JPH1: variants seen among roughly 807,000 people sequenced by gnomAD.
The protein encoded by JPH1 is junctophilin-1.
Under a neutral mutation model 53.6 loss-of-function variants are expected in JPH1, and 12 were observed. The ratio of observed to expected loss-of-function variants is 0.22; its 90% CI spans 0.14 to 0.36. The LOEUF (loss-of-function observed/expected upper bound fraction) is 0.36, where lower values mean the gene tolerates loss of function less well. Ranked by LOEUF, JPH1 falls within the 10% of genes least tolerant of loss-of-function variation. JPH1 has a pLI of 1.00. For synonymous variants in JPH1, 375 were observed against 363.8 expected, an observed-to-expected ratio of 1.03 and a Z score of -0.35; for missense variants, 808 against 905.5, an observed-to-expected ratio of 0.89 and a Z score of 1.38.
Position 74,246,258 on chromosome 8 carries a change from C to T in JPH1, c.1259-1083G>A, listed in dbSNP as rs1805858082. Among the ~76,000 whole-genome samples the T allele has an allele frequency of 2.0e-5, 3 of 152,172 alleles. No homozygotes were observed. The South Asian group carries it at 6.2e-4, about 32-fold the overall frequency. On this transcript the variant is annotated intron_variant, in intron 3 of 5. Transcript: ENST00000342232. Reference sequence around the variant, plus strand: ...ACATGGAAGACACTGCCCCCACCGACATGCTTATAGAGAGTTGACAGGCTC... The same window carrying T: ...ACATGGAAGACACTGCCCCCACCGATATGCTTATAGAGAGTTGACAGGCTC...
At chr8:74,297,334 A>G (rs887983255) in intron 2 of JPH1, among the ~76,000 whole-genome samples, 1 of 152,228 alleles carries the variant, frequency 6.6e-6, no homozygotes, top group Non-Finnish European at 1.5e-5. Context: ...TAGATTCTCT[A>G]TTACAAACCA....
chr8:74,261,048 C>T (rs1806381420), intron 2 of JPH1, among the ~76,000 whole-genome samples: 1 of 152,008 alleles, frequency 6.6e-6, no homozygotes, highest in African/African-American at 2.4e-5. Context: ...AATGACAAAA[C>T]CATAGAGACA....
chr8:74,299,363 G>GT (rs1347763741), intron 2 of JPH1, among the ~76,000 whole-genome samples: 1 of 152,080 alleles, frequency 6.6e-6, no homozygotes, highest in Non-Finnish European at 1.5e-5. Context: ...CAGCCTAAAG[G>GT]TTTCTCTGCA....
chr8:74,297,504 A>T (rs1807554500), intron 2 of JPH1, among the ~76,000 whole-genome samples: 1 of 152,134 alleles, frequency 6.6e-6, no homozygotes, highest in Admixed American at 6.5e-5. Flanking sequence ...GGGACTCTTA[A>T]CTCACTCACT....
intron 2 of JPH1, among the ~76,000 whole-genome samples, chr8:74,293,129 C>T (rs1807387478): frequency 1.3e-5 from 2 of 152,222 alleles, no homozygotes; most frequent in East Asian, 1.9e-4. Context: ...GGGTAGGAAC[C>T]TGTACAGCTA....
At chr8:74,309,174 C>G (rs968954675) in intron 2 of JPH1, among the ~76,000 whole-genome samples, 10 of 152,238 alleles carry the variant, frequency 6.6e-5, no homozygotes, top group South Asian at 4.1e-4. Context: ...CGACTGGCCA[C>G]CTATCCCCAT....
chr8:74,288,584 G>A (rs973263679), intron 2 of JPH1, among the ~76,000 whole-genome samples: 2 of 152,122 alleles, frequency 1.3e-5, no homozygotes, highest in Non-Finnish European at 2.9e-5. Context: ...ACAAGAAAAC[G>A]CAAGAGGGAG....
intron 2 of JPH1, among the ~76,000 whole-genome samples, chr8:74,268,158 T>C (rs534096533): frequency 6.6e-6 from 1 of 152,158 alleles, no homozygotes; most frequent in African/African-American, 2.4e-5. Flanking sequence ...AGTACTAACA[T>C]AGAGAGGTAC....
In JPH1 at chr8:74,305,084, C is replaced by CATAA. The variant is rs1418295177; in HGVS notation, c.1139+9773_1139+9776dup. On this transcript the variant is annotated intron_variant, in intron 2 of 5. Transcript: ENST00000342232. Reference sequence around the variant, plus strand: ...TGTTGTACTAAAGCTGAATGACTTACATAAATACCTTTGGCATTTGTTGGA... The same window carrying CATAA: ...TGTTGTACTAAAGCTGAATGACTTACATAAATAAATACCTTTGGCATTTGTTGGA... 2.0e-5 allele frequency among the ~76,000 whole-genome samples: 3 copies of CATAA among 152,254 alleles called. No homozygotes were observed. The East Asian group carries it at 5.8e-4, about 29-fold the overall frequency.
chr8:74,308,056 G>A (rs1186235351), intron 2 of JPH1, among the ~76,000 whole-genome samples: 1 of 152,172 alleles, frequency 6.6e-6, no homozygotes, highest in Non-Finnish European at 1.5e-5. Flanking sequence ...TAAATTAAAT[G>A]ATATTCTTTG....
intron 3 of JPH1, among the ~76,000 whole-genome samples, chr8:74,259,066 TA>T (rs1806316461): frequency 1.3e-5 from 2 of 152,184 alleles, no homozygotes; most frequent in Admixed American, 1.3e-4. Flanking sequence ...AAATATACTA[TA>T]AAATTACCTC....
At chr8:74,299,115 A>G (rs1449084351) in intron 2 of JPH1, among the ~76,000 whole-genome samples, 12 of 151,712 alleles carry the variant, frequency 7.9e-5, no homozygotes, top group Admixed American at 2.6e-4. Context: ...CCACCTGGTA[A>G]AATTTCGATC....
At chr8:74,298,555 T>A (rs1183223923) in intron 2 of JPH1, among the ~76,000 whole-genome samples, 1 of 152,178 alleles carries the variant, frequency 6.6e-6, no homozygotes, top group Non-Finnish European at 1.5e-5. Context: ...CCCTGGTTAG[T>A]GCTTTTCAGA....
chr8:74,266,568 G>T (rs1023754629), intron 2 of JPH1, among the ~76,000 whole-genome samples: 1 of 152,108 alleles, frequency 6.6e-6, no homozygotes, highest in African/African-American at 2.4e-5. Flanking sequence ...ATTGTTTAAT[G>T]GGTACAGATT....
At chr8:74,252,741 C>T (rs1428865104) in intron 3 of JPH1, among the ~76,000 whole-genome samples, 2 of 152,008 alleles carry the variant, frequency 1.3e-5, no homozygotes, top group South Asian at 2.1e-4. Context: ...GCAGGGGTTG[C>T]AATCCTAGTC....
At chr8:74,290,644 T>C (rs977291978) in intron 2 of JPH1, among the ~76,000 whole-genome samples, 1 of 152,198 alleles carries the variant, frequency 6.6e-6, no homozygotes, top group African/African-American at 2.4e-5. Context: ...AAAGTTCATA[T>C]GGAACCAAAA....
intron 1 of JPH1, among the ~76,000 whole-genome samples, chr8:74,317,424 T>C (rs1378290682): frequency 6.6e-6 from 1 of 152,154 alleles, no homozygotes; most frequent in African/African-American, 2.4e-5. Flanking sequence ...GATAAGATAG[T>C]CATGTAAAAC....
chr8:74,245,175 C>A lies in JPH1; in HGVS notation c.1259G>T (p.Gly420Val). 1 of 1,550,156 alleles carries A rather than the reference C, an allele frequency of 6.5e-7. No homozygotes were observed. ...RELSPDFYQP[G>V]PDYVKQRFQE... The stretch of plus-strand genomic sequence containing the variant: ...AAATCTCTGTTTGACGTAATCAGGG[C>A]CTGGCCAAAAAAAAAAGAAAAAAGA... Residue 420 changes from glycine (G) to valine (V), a missense_variant and splice_region_variant, in exon 4 of 6, where the codon GGC (glycine) becomes GTC (valine). Around this residue, in one of 2 missense-constraint regions of JPH1, gnomAD observed 756 missense variants for 811.9 expected, o/e 0.93. Transcript: ENST00000342232.
intron 2 of JPH1, among the ~76,000 whole-genome samples, chr8:74,301,392 GC>G (rs1807677079): frequency 6.6e-6 from 1 of 152,174 alleles, no homozygotes; most frequent in Non-Finnish European, 1.5e-5. Context: ...ATTTTAGTGT[GC>G]CCAAGAATAA....
Sources: allele counts gnomAD v4.1 joint callset (sites outside exome capture counted in the v4.1 genomes callset), GRCh38; gene constraint gnomAD v4.1.1; regional missense constraint gnomAD v4.1.1; transcripts MANE v1.5; gene names NCBI Gene and HGNC (gene_info 2026-07-23, HGNC 2026-07-21).